Variants in AGBL4 observed in about 807,000 individuals in gnomAD.
The protein encoded by AGBL4 is AGBL carboxypeptidase 4.
A neutral mutation model predicts 66.4 loss-of-function variants in AGBL4; 58 were observed. That is an observed-to-expected ratio of 0.87 (90% CI 0.71 to 1.09). AGBL4 has a LOEUF of 1.09. Among genes scored for constraint, AGBL4 ranks in the 50% least tolerant of loss-of-function variants. The probability of loss-of-function intolerance (pLI) is 0.00; values close to 1 mark genes in which losing one functional copy is unlikely to be tolerated. For synonymous variants in AGBL4, 234 were observed against 222.9 expected, an observed-to-expected ratio of 1.05 and a Z score of -0.44; for missense variants, 579 against 631.0, an observed-to-expected ratio of 0.92 and a Z score of 0.88.
At chr1:48,527,216 G>C in the AGBL4 span, among the ~76,000 whole-genome samples, 1 of 152,024 alleles carries the variant, frequency 6.6e-6, no homozygotes, top group Non-Finnish European at 1.5e-5. Flanking sequence ...AGGTTCTATG[G>C]GAGGTGTGAA....
At chr1:49,096,029 G>T (rs1350969375) in intron 4 of AGBL4, among the ~76,000 whole-genome samples, 2 of 152,002 alleles carry the variant, frequency 1.3e-5, no homozygotes, top group Admixed American at 6.5e-5. Flanking sequence ...GTGGGCAAAG[G>T]ATATGAACAG....
At chr1:49,199,524 A>G (rs1294263756) in intron 4 of AGBL4, among the ~76,000 whole-genome samples, 1 of 152,156 alleles carries the variant, frequency 6.6e-6, no homozygotes, top group Admixed American at 6.5e-5. Flanking sequence ...CAGGAACCTT[A>G]CACTACTCAT....
chr1:49,493,298 G>C (rs1306207288), intron 3 of AGBL4, among the ~76,000 whole-genome samples: 3 of 151,954 alleles, frequency 2.0e-5, no homozygotes. Flanking sequence ...TATGGAGCCA[G>C]GGTTCTGTCA....
At chr1:49,197,619 C>T (rs1647333462) in intron 4 of AGBL4, among the ~76,000 whole-genome samples, 1 of 152,174 alleles carries the variant, frequency 6.6e-6, no homozygotes. Context: ...CCTTCCTTCC[C>T]TCTCAAGATG....
At chr1:49,837,774 G>A (rs1005425575) in intron 2 of AGBL4, among the ~76,000 whole-genome samples, 1 of 152,202 alleles carries the variant, frequency 6.6e-6, no homozygotes, top group South Asian at 2.1e-4. Flanking sequence ...GAACCTGAGA[G>A]GCAGAGCTTG....
intron 2 of AGBL4, among the ~76,000 whole-genome samples, chr1:49,708,808 C>T (rs76216263): frequency 0.018 from 2,788 of 152,192 alleles, 79 homozygotes; most frequent in African/African-American, 0.062. Flanking sequence ...AACAGTCAGG[C>T]CCCTATTCTG....
chr1:49,005,228 A>G, intron 5 of AGBL4, among the ~76,000 whole-genome samples: 1 of 152,260 alleles, frequency 6.6e-6, no homozygotes, highest in East Asian at 1.9e-4. Context: ...ACTAAATTTC[A>G]AGTTAGAGAG....
At chr1:49,890,789 G>A (rs1648566994) in intron 1 of AGBL4, among the ~76,000 whole-genome samples, 1 of 152,124 alleles carries the variant, frequency 6.6e-6, no homozygotes, top group Non-Finnish European at 1.5e-5. Context: ...TTAGCAGATG[G>A]AGGAGGCATA....
chr1:49,217,074 G>C (rs1649153388), intron 4 of AGBL4, among the ~76,000 whole-genome samples: 1 of 152,032 alleles, frequency 6.6e-6, no homozygotes, highest in Admixed American at 6.6e-5. Context: ...GCCCCTATTA[G>C]ACCTTGGAGA....
intron 3 of AGBL4, among the ~76,000 whole-genome samples, chr1:49,248,856 A>G (rs1222680301): frequency 2.0e-5 from 3 of 151,880 alleles, no homozygotes; most frequent in Non-Finnish European, 4.4e-5. Context: ...TTTTTTCTTT[A>G]GATTTAAATT....
Position 49,825,235 on chromosome 1 carries a change from T to C in AGBL4, c.157+26161A>G, listed in dbSNP as rs189317728. ...CTCTTCTGTGATGTATTTTAAAGCATACATGAATATTCTGCATCATCCACT... is the reference window on the plus strand; with the variant it reads ...CTCTTCTGTGATGTATTTTAAAGCACACATGAATATTCTGCATCATCCACT... On this transcript the variant is annotated intron_variant, in intron 2 of 13. Coordinates refer to ENST00000371839, the MANE Select transcript of AGBL4 (RefSeq NM_032785.4). 5.3e-5 allele frequency among the ~76,000 whole-genome samples: 8 copies of C among 152,368 alleles called. 1 individual carries two copies. In the East Asian group the frequency reaches 1.3e-3, roughly 26 times the overall value.
At chr1:49,797,078 C>T (rs1013155759) in intron 2 of AGBL4, among the ~76,000 whole-genome samples, 1 of 152,116 alleles carries the variant, frequency 6.6e-6, no homozygotes, top group African/African-American at 2.4e-5. Context: ...TTAGAATGTA[C>T]TACATAGTCT....
intron 2 of AGBL4, among the ~76,000 whole-genome samples, chr1:49,744,318 C>T (rs942111612): frequency 1.1e-4 from 16 of 152,232 alleles, no homozygotes; most frequent in African/African-American, 3.6e-4. Flanking sequence ...CTTGCTCCTG[C>T]TCCCACCATG....
intron 4 of AGBL4, among the ~76,000 whole-genome samples, chr1:49,096,162 T>A (rs1376600062): frequency 6.6e-6 from 1 of 151,426 alleles, no homozygotes; most frequent in Non-Finnish European, 1.5e-5. Flanking sequence ...CCAGTTAGAA[T>A]GGCGATCATT....
intron 10 of AGBL4, among the ~76,000 whole-genome samples, chr1:48,590,275 G>A (rs943049745): frequency 3.3e-5 from 5 of 151,894 alleles, no homozygotes; most frequent in South Asian, 2.1e-4. Flanking sequence ...GTGTGGTGGC[G>A]CATGCCTGTA....
chr1:49,151,572 C>CA (rs761946185), intron 4 of AGBL4, among the ~76,000 whole-genome samples: 5,558 of 78,556 alleles, frequency 0.071, 121 homozygotes, highest in Middle Eastern at 0.12. Context: ...TTGACAGTTA[C>CA]AAAAAAAAAA....
intron 9 of AGBL4, among the ~76,000 whole-genome samples, chr1:48,607,430 C>T (rs1321809588): frequency 1.3e-5 from 2 of 152,160 alleles, no homozygotes; most frequent in South Asian, 2.1e-4. Flanking sequence ...CCATCCTGCC[C>T]ATCATGATGA....
At chr1:49,214,302 A>T (rs2148262101) in intron 4 of AGBL4, among the ~76,000 whole-genome samples, 1 of 152,294 alleles carries the variant, frequency 6.6e-6, no homozygotes. Flanking sequence ...CCAGTACACG[A>T]TGCACAAAAA....
intron 1 of AGBL4, among the ~76,000 whole-genome samples, chr1:49,858,517 A>C (rs952342314): frequency 6.6e-6 from 1 of 152,130 alleles, no homozygotes; most frequent in Non-Finnish European, 1.5e-5. Flanking sequence ...TAAAGTCATG[A>C]ATAGATTATA....
Sources: gnomAD v4.1 joint callset for allele counts (sites outside exome capture counted in the v4.1 genomes callset) on GRCh38, gnomAD v4.1.1 for gene constraint, MANE v1.5 for transcripts, NCBI Gene and HGNC (gene_info 2026-07-23, HGNC 2026-07-21) for gene names.